The following SWT1 variants were observed in gnomAD, a reference collection of about 807,000 sequenced individuals.
SWT1 encodes transcriptional protein SWT1.
A neutral mutation model predicts 107.3 loss-of-function variants in SWT1; 33 were observed. That is an observed-to-expected ratio of 0.31 (90% confidence interval 0.23 to 0.41). SWT1 has a LOEUF of 0.41. Among genes scored for constraint, SWT1 ranks in the 10% least tolerant of loss-of-function variants. SWT1 has a pLI of 1.00. For missense variants in SWT1, 898 were observed against 1,028.9 expected, an observed-to-expected ratio of 0.87 and a Z score of 1.74; for synonymous variants, 345 against 348.3, an observed-to-expected ratio of 0.99 and a Z score of 0.11.
intron 16 of SWT1, among the ~76,000 whole-genome samples, chr1:185,264,696 C>A (rs1181863627): frequency 6.6e-6 from 1 of 152,110 alleles, no homozygotes; most frequent in Non-Finnish European, 1.5e-5. Flanking sequence ...TGAACTCTGG[C>A]TGGCTGACTC....
At position 185,235,579 on chromosome 1, in the gene SWT1, A is replaced by G. The variant is rs890100824; in HGVS notation, c.2441+3871A>G. ...AATGTATCTCAAAATAATAAGAGCTATTTACGACAAACCCATAGCCAGTAT... is the reference window on the plus strand; with the variant it reads ...AATGTATCTCAAAATAATAAGAGCTGTTTACGACAAACCCATAGCCAGTAT... On this transcript the variant is annotated intron_variant, in intron 16 of 18. Transcript: ENST00000367500. Among the ~76,000 whole-genome samples the G allele has an allele frequency of 2.0e-5, 3 of 152,214 alleles. No individual in the cohort carries two copies. In the South Asian group the frequency reaches 6.2e-4, roughly 32 times the overall value.
At chr1:185,187,072 TAAAAGAGTCTTCG>T (rs1656547930) in intron 9 of SWT1, among the ~76,000 whole-genome samples, 3 of 142,154 alleles carry the variant, frequency 2.1e-5, no homozygotes, top group East Asian at 2.1e-4. Flanking sequence ...TTTTTTTTTT[TAAAAGAGTCTTCG>T]TTTGTCACCC....
intron 18 of SWT1, among the ~76,000 whole-genome samples, chr1:185,287,980 A>G (rs1384793054): frequency 6.6e-6 from 1 of 152,218 alleles, no homozygotes; most frequent in Non-Finnish European, 1.5e-5. Context: ...ACAGAAATAG[A>G]TTCAAAAGTC....
intron 15 of SWT1, among the ~76,000 whole-genome samples, chr1:185,228,521 C>G (rs956202579): frequency 7.2e-5 from 11 of 151,732 alleles, no homozygotes; most frequent in Admixed American, 3.3e-4. Flanking sequence ...GACACTGTCT[C>G]AAAAAAAGAT....
intron 16 of SWT1, among the ~76,000 whole-genome samples, chr1:185,251,007 G>A (rs184747498): frequency 6.2e-4 from 94 of 152,190 alleles, no homozygotes; most frequent in Non-Finnish European, 1.6e-4. Flanking sequence ...CACTTATATA[G>A]GCTATCTCTA....
intron 5 of SWT1, among the ~76,000 whole-genome samples, chr1:185,176,147 G>T (rs1655530967): frequency 6.6e-6 from 1 of 151,926 alleles, no homozygotes; most frequent in Admixed American, 6.6e-5. Flanking sequence ...AATTAGCTGG[G>T]TGTGGTGGCG....
intron 12 of SWT1, among the ~76,000 whole-genome samples, chr1:185,206,224 T>G (rs886583954): frequency 6.6e-6 from 1 of 152,204 alleles, no homozygotes; most frequent in Non-Finnish European, 1.5e-5. Flanking sequence ...CCCAAAGAGA[T>G]AGGATTACAG....
rs1373293107 is a variant in SWT1, at chr1:185,221,894, A to G, written c.2167A>G (p.Lys723Glu). The G allele has an allele frequency of 6.2e-7, 1 of 1,607,158 alleles. No individual in the cohort carries two copies. Among genetic ancestry groups the G allele is most frequent in the African/African-American group, 1.3e-5 (1 of 74,484 alleles). ...KPNSSENTVT[K>E]KQEGTSLKNS... The stretch of plus-strand genomic sequence containing the variant: ...AAATTCTTCAGAAAACACAGTGACT[A>G]AAAAGCAGGAAGGTACTTCATTGAA... Residue 723 changes from lysine to glutamate, a missense_variant, in exon 15 of 19, where the codon AAA becomes GAA. Physicochemically the swap from Lys to Glu is moderately conservative, Grantham distance 56. This residue lies in a region of SWT1 where 382 missense variants were observed against 460.0 expected (regional missense o/e 0.83). Transcript: ENST00000367500.
intron 10 of SWT1, among the ~76,000 whole-genome samples, chr1:185,197,226 G>A (rs1015973648): frequency 5.9e-5 from 9 of 152,132 alleles, no homozygotes; most frequent in African/African-American, 1.9e-4. Flanking sequence ...ATAATCATGT[G>A]GTTTTTGTCA....
At chr1:185,276,746 G>A in intron 18 of SWT1, 78 bp downstream of exon 18, 1 of 666,700 alleles carries the variant, frequency 1.5e-6, no homozygotes, top group Non-Finnish European at 2.4e-6. Flanking sequence ...GGTGGTGGTG[G>A]TGGTGATGTG....
At chr1:185,198,100 C>G (rs1391072645) in intron 10 of SWT1, among the ~76,000 whole-genome samples, 1 of 152,198 alleles carries the variant, frequency 6.6e-6, no homozygotes, top group Non-Finnish European at 1.5e-5. Flanking sequence ...CCTCTAAACA[C>G]TGCTTTAGCT....
intron 18 of SWT1, chr1:185,281,002 T>C: frequency 2.7e-6 from 1 of 365,686 alleles, no homozygotes; most frequent in Non-Finnish European, 5.5e-6. Flanking sequence ...CCAAGAGTTT[T>C]CAGTCCCTTT....
chr1:185,186,296 C>A (rs1005729546), intron 9 of SWT1, among the ~76,000 whole-genome samples: 2 of 152,058 alleles, frequency 1.3e-5, no homozygotes, highest in Non-Finnish European at 2.9e-5. Flanking sequence ...TCTCTCCCAA[C>A]CCACTAGGAA....
In SWT1 at chr1:185,276,593, G is replaced by A. The variant is rs771448340; in HGVS notation, c.2509-11G>A. ...ATATATTTTTAATAACTATATCTTG[G>A]TTCCTTTCAGGTAAATAAAAATGTC... On this transcript the variant is annotated splice_polypyrimidine_tract_variant and intron_variant, in intron 17 of 18. Coordinates refer to ENST00000367500, the MANE Select transcript of SWT1 (RefSeq NM_017673.7). The A allele has an allele frequency of 6.1e-5, 93 of 1,520,158 alleles. No homozygotes were observed. The highest frequency in any genetic ancestry group is 8.1e-5 in the Non-Finnish European group (89 of 1,103,432). The allele number at this position is 1,520,158 out of a possible 1,614,324, so 94.2% of individuals were successfully genotyped here.
intron 16 of SWT1, among the ~76,000 whole-genome samples, chr1:185,266,874 C>T (rs1350835614): frequency 1.3e-5 from 2 of 152,124 alleles, no homozygotes; most frequent in African/African-American, 2.4e-5. Flanking sequence ...GATAAAACAA[C>T]TACATTAGTG....
intron 18 of SWT1, among the ~76,000 whole-genome samples, chr1:185,290,001 A>G (rs779762972): frequency 6.6e-5 from 10 of 152,170 alleles, no homozygotes; most frequent in Non-Finnish European, 1.3e-4. Flanking sequence ...GCACTGGCTC[A>G]TGCCTGCAAT....
At chr1:185,217,434 G>A (rs559861655) in intron 14 of SWT1, among the ~76,000 whole-genome samples, 4 of 152,240 alleles carry the variant, frequency 2.6e-5, no homozygotes, top group African/African-American at 7.2e-5. Flanking sequence ...ATTGTGAACT[G>A]TGCATACAAG....
chr1:185,181,416 A>G (rs1656009348), intron 6 of SWT1, among the ~76,000 whole-genome samples: 1 of 152,220 alleles, frequency 6.6e-6, no homozygotes, highest in South Asian at 2.1e-4. Flanking sequence ...TCTTTGTGTC[A>G]CAATACATCA....
chr1:185,264,256 A>T, intron 16 of SWT1: 1 of 604,082 alleles, frequency 1.7e-6, no homozygotes, highest in East Asian at 1.4e-4. Flanking sequence ...TATATAGTAG[A>T]CATCTTTTGC....
Sources: allele counts gnomAD v4.1 joint callset (sites outside exome capture counted in the v4.1 genomes callset), GRCh38; gene constraint gnomAD v4.1.1; regional missense constraint gnomAD v4.1.1; transcripts MANE v1.5; gene names NCBI Gene and HGNC (gene_info 2026-07-23, HGNC 2026-07-21).